The following AFF3 variants were observed in gnomAD, a reference collection of about 807,000 sequenced individuals.
AFF3 encodes the protein ALF transcription elongation factor 3, also known as AF4/FMR2 family member 3.
Under a neutral mutation model 129.7 loss-of-function variants are expected in AFF3, and 32 were observed. That is an observed-to-expected ratio of 0.25 (90% confidence interval 0.19 to 0.33). The LOEUF (loss-of-function observed/expected upper bound fraction) is 0.33. Ranked by LOEUF, AFF3 falls within the 10% of genes least tolerant of loss-of-function variation. The pLI, the probability that AFF3 is intolerant of heterozygous loss-of-function variation, is 1.00. For synonymous variants in AFF3, 644 were observed against 635.4 expected, an observed-to-expected ratio of 1.01 and a Z score of -0.20; for missense variants, 1,373 against 1,592.0, an observed-to-expected ratio of 0.86 and a Z score of 2.34.
At chr2:99,741,065 T>C (rs993557835) in intron 10 of AFF3, among the ~76,000 whole-genome samples, 3 of 152,212 alleles carry the variant, frequency 2.0e-5, no homozygotes, top group Non-Finnish European at 4.4e-5. Flanking sequence ...GGGAATCCTT[T>C]CCCCATTGCT....
At position 100,081,869 on chromosome 2, in the gene AFF3, T is replaced by C. The variant is rs1689073027; in HGVS notation, c.53+22533A>G. ...AAAAATCAGATTCCAGTGAGTGGCA[T>C]GGTCAGAAGTAAACTCACATTTGGC... On this transcript the variant is annotated intron_variant, in intron 4 of 24. Transcript: ENST00000672756. 2.6e-5 allele frequency among the ~76,000 whole-genome samples: 4 copies of C among 152,306 alleles called. No individual in the cohort carries two copies. In the South Asian group the frequency reaches 6.2e-4, roughly 24 times the overall value.
At chr2:99,628,553 CTTTT>C (rs566672694) in intron 13 of AFF3, among the ~76,000 whole-genome samples, 20 of 145,858 alleles carry the variant, frequency 1.4e-4, no homozygotes, top group African/African-American at 4.5e-4. Flanking sequence ...CCCTTTCTTT[CTTTT>C]TTTTTTTCTT....
At position 100,108,497 on chromosome 2, in the gene AFF3, C is replaced by T. The variant is rs79224534; in HGVS notation, c.-144-2914G>A. ...TGGGCTCTCTGACAGTATCCTCTGG[C>T]GAAGAACTTCAGTACTTGTGCCCCT... On this transcript the variant is annotated intron_variant, in intron 2 of 24. Transcript: ENST00000672756. 7.6e-4 allele frequency among the ~76,000 whole-genome samples: 116 copies of T among 152,208 alleles called. 1 individual carries two copies. The highest frequency in any genetic ancestry group is 1.7e-3 in the African/African-American group (70 of 41,534).
intron 4 of AFF3, among the ~76,000 whole-genome samples, chr2:100,025,496 C>T (rs1006672900): frequency 1.3e-5 from 2 of 151,994 alleles, no homozygotes; most frequent in African/African-American, 2.4e-5. Flanking sequence ...ACAAATTCAA[C>T]GCAATCCCCA....
At chr2:100,050,606 C>T (rs1325412245) in intron 4 of AFF3, among the ~76,000 whole-genome samples, 1 of 152,128 alleles carries the variant, frequency 6.6e-6, no homozygotes, top group Non-Finnish European at 1.5e-5. Flanking sequence ...TTTTAAGATC[C>T]TTACTATAAG....
chr2:100,068,800 G>A (rs543010210), intron 4 of AFF3, among the ~76,000 whole-genome samples: 1 of 152,176 alleles, frequency 6.6e-6, no homozygotes, highest in South Asian at 2.1e-4. Flanking sequence ...TAAACGCTAG[G>A]ACTCTTTCAA....
intron 8 of AFF3, among the ~76,000 whole-genome samples, chr2:99,797,790 C>G (rs1685653826): frequency 6.6e-6 from 1 of 151,916 alleles, no homozygotes; most frequent in African/African-American, 2.4e-5. Flanking sequence ...ATAAATAACT[C>G]CAAAATATAT....
chr2:99,691,358 G>C (rs1394797308), intron 11 of AFF3, among the ~76,000 whole-genome samples: 1 of 152,198 alleles, frequency 6.6e-6, no homozygotes, highest in Non-Finnish European at 1.5e-5. Flanking sequence ...AACTCCTGCA[G>C]CCTGCGGTTT....
At chr2:99,667,665 T>G (rs1686790661) in intron 12 of AFF3, among the ~76,000 whole-genome samples, 1 of 152,184 alleles carries the variant, frequency 6.6e-6, no homozygotes, top group Non-Finnish European at 1.5e-5. Flanking sequence ...TGAAACGGGC[T>G]GACACTATAG....
chr2:99,688,499 A>C (rs1038048245), intron 11 of AFF3, among the ~76,000 whole-genome samples: 1 of 152,244 alleles, frequency 6.6e-6, no homozygotes, highest in Non-Finnish European at 1.5e-5. Context: ...CAATTGCCAA[A>C]TCAAATGGAC....
intron 4 of AFF3, among the ~76,000 whole-genome samples, chr2:100,053,631 TGTCTTC>T (rs1686531498): frequency 1.3e-5 from 2 of 152,270 alleles, no homozygotes; most frequent in East Asian, 3.9e-4. Context: ...TCCCTTTGAG[TGTCTTC>T]GTCTTTCCGG....
chr2:99,999,227 C>T (rs974717669), intron 7 of AFF3, among the ~76,000 whole-genome samples: 2 of 152,188 alleles, frequency 1.3e-5, no homozygotes, highest in East Asian at 3.8e-4. Flanking sequence ...TGTTTACATA[C>T]ATCAGTAAAT....
At chr2:99,686,744 A>C (rs1396217236) in intron 11 of AFF3, among the ~76,000 whole-genome samples, 1 of 152,196 alleles carries the variant, frequency 6.6e-6, no homozygotes, top group Non-Finnish European at 1.5e-5. Flanking sequence ...ATTGCATGGC[A>C]AATATAGACA....
rs1691262601 is a variant in AFF3, at chr2:100,105,920, C to G, written c.-144-337G>C. ...AGGGAGTCCCTTCCAGCACTCTCCC[C>G]TTTGTTCCTTTTTCTGGGCAAGAAC... On this transcript the variant is annotated intron_variant, in intron 2 of 24. Transcript: ENST00000672756. The G allele has an allele frequency of 2.3e-6, 3 of 1,329,818 alleles. No homozygotes were observed. The South Asian group carries it at 3.7e-5, about 16-fold the overall frequency. 82.4% of individuals were successfully genotyped at this position (1,329,818 alleles called of 1,614,324 possible).
intron 13 of AFF3, among the ~76,000 whole-genome samples, chr2:99,641,906 T>C (rs1684235949): frequency 6.6e-6 from 1 of 152,216 alleles, no homozygotes. Flanking sequence ...TCAGTATTTA[T>C]GCACAAGCCT....
chr2:99,860,682 C>T (rs953085801), intron 7 of AFF3, among the ~76,000 whole-genome samples: 2 of 151,216 alleles, frequency 1.3e-5, no homozygotes, highest in Non-Finnish European at 2.9e-5. Context: ...AAGCTGAGAC[C>T]ACATCATTGC....
intron 12 of AFF3, among the ~76,000 whole-genome samples, chr2:99,659,955 G>A (rs1447049308): frequency 6.6e-6 from 1 of 152,164 alleles, no homozygotes; most frequent in African/African-American, 2.4e-5. Flanking sequence ...TCATTCACAT[G>A]TTCCTGGAAC....
chr2:99,823,445 A>C (rs1687837357), intron 8 of AFF3, among the ~76,000 whole-genome samples: 1 of 152,216 alleles, frequency 6.6e-6, no homozygotes, highest in African/African-American at 2.4e-5. Flanking sequence ...ATAGAATCCC[A>C]GGGTGATTTT....
intron 7 of AFF3, among the ~76,000 whole-genome samples, chr2:99,869,166 C>T (rs1011630766): frequency 3.9e-5 from 6 of 151,982 alleles, no homozygotes; most frequent in African/African-American, 1.5e-4. Flanking sequence ...CCTACTGCAC[C>T]CAGTCAGCTT....
Sources: gnomAD v4.1 joint callset for allele counts (sites outside exome capture counted in the v4.1 genomes callset) on GRCh38, gnomAD v4.1.1 for gene constraint, MANE v1.5 for transcripts, NCBI Gene and HGNC (gene_info 2026-07-23, HGNC 2026-07-21) for gene names.